The following LRRTM4 variants were observed in gnomAD, a reference collection of about 807,000 sequenced individuals.
The protein encoded by LRRTM4 is leucine-rich repeat transmembrane neuronal protein 4.
In LRRTM4, 25 loss-of-function variants were observed where a neutral mutation model predicts 47.6. That is an observed-to-expected ratio of 0.53 (90% CI 0.38 to 0.73). The LOEUF (loss-of-function observed/expected upper bound fraction) is 0.73, where lower values mean the gene tolerates loss of function less well. Among genes scored for constraint, LRRTM4 ranks in the 30% least tolerant of loss-of-function variants. The pLI, the probability that LRRTM4 is intolerant of heterozygous loss-of-function variation, is 0.00. For synonymous variants in LRRTM4, 311 were observed against 269.5 expected, an observed-to-expected ratio of 1.15 and a Z score of -1.51; for missense variants, 638 against 713.4, an observed-to-expected ratio of 0.89 and a Z score of 1.20.
chr2:76,950,073 G>T (rs941541151), intron 3 of LRRTM4, among the ~76,000 whole-genome samples: 1 of 151,840 alleles, frequency 6.6e-6, no homozygotes, highest in Non-Finnish European at 1.5e-5. Flanking sequence ...AAAGAGAAAT[G>T]AATTCACAAA....
intron 3 of LRRTM4, among the ~76,000 whole-genome samples, chr2:76,884,872 G>A (rs1018220583): frequency 6.6e-6 from 1 of 151,492 alleles, no homozygotes; most frequent in Non-Finnish European, 1.5e-5. Flanking sequence ...GGCCAAGAGG[G>A]TACTTTCAAG....
At chr2:77,350,032 G>A (rs1671700522) in intron 3 of LRRTM4, among the ~76,000 whole-genome samples, 2 of 151,996 alleles carry the variant, frequency 1.3e-5, no homozygotes, top group Admixed American at 1.3e-4. Context: ...CGAAGAAATT[G>A]GAAATGCTGG....
intron 3 of LRRTM4, among the ~76,000 whole-genome samples, chr2:77,450,855 A>G (rs1676228739): frequency 6.6e-6 from 1 of 152,154 alleles, no homozygotes. Flanking sequence ...ATTAAATTCC[A>G]ACATATTACA....
intron 3 of LRRTM4, among the ~76,000 whole-genome samples, chr2:76,970,734 A>G (rs960514444): frequency 1.3e-5 from 2 of 152,078 alleles, no homozygotes; most frequent in Non-Finnish European, 2.9e-5. Flanking sequence ...CAATGTAATT[A>G]GATTTCTTTT....
chr2:77,420,832 T>G (rs952430677), intron 3 of LRRTM4, among the ~76,000 whole-genome samples: 76 of 145,550 alleles, frequency 5.2e-4, no homozygotes, highest in African/African-American at 1.7e-3. Flanking sequence ...CCCTTAAGAC[T>G]TAAGTCTTAA....
intron 3 of LRRTM4, among the ~76,000 whole-genome samples, chr2:77,167,966 A>G (rs1191698298): frequency 1.3e-5 from 2 of 152,122 alleles, no homozygotes; most frequent in Non-Finnish European, 2.9e-5. Flanking sequence ...TAAAGAAAAA[A>G]GAGTTCTTCT....
chr2:77,318,045 C>G (rs1168399944), intron 3 of LRRTM4, among the ~76,000 whole-genome samples: 1 of 132,884 alleles, frequency 7.5e-6, no homozygotes, highest in African/African-American at 3.0e-5. Context: ...CTCGCTCTGT[C>G]GCCCAGGCTG....
chr2:77,103,157 G>GTTT (rs1253836096), intron 3 of LRRTM4, among the ~76,000 whole-genome samples: 1 of 152,134 alleles, frequency 6.6e-6, no homozygotes, highest in Non-Finnish European at 1.5e-5. Context: ...TCATTTGGGG[G>GTTT]CAGAGACAGC....
chr2:77,075,644 G>C (rs908113040), intron 3 of LRRTM4, among the ~76,000 whole-genome samples: 3 of 151,800 alleles, frequency 2.0e-5, no homozygotes, highest in African/African-American at 7.3e-5. Context: ...GGCCGGGCGC[G>C]GTGGCTCACG....
At chr2:77,339,134 C>A (rs1204256142) in intron 3 of LRRTM4, among the ~76,000 whole-genome samples, 1 of 151,724 alleles carries the variant, frequency 6.6e-6, no homozygotes, top group Non-Finnish European at 1.5e-5. Flanking sequence ...AAAAAAAAAC[C>A]TACCTTTTGA....
intron 3 of LRRTM4, among the ~76,000 whole-genome samples, chr2:77,141,386 C>G (rs572743310): frequency 5.3e-4 from 80 of 150,292 alleles, no homozygotes; most frequent in African/African-American, 1.9e-3. Flanking sequence ...AAACCAAACA[C>G]TGCGTGTTCT....
chr2:76,857,357 A>G (rs1441470130), intron 3 of LRRTM4, among the ~76,000 whole-genome samples: 5 of 146,764 alleles, frequency 3.4e-5, no homozygotes, highest in Non-Finnish European at 5.9e-5. Flanking sequence ...TTAGCAATAC[A>G]TGGCTTGTTT....
At chr2:77,063,352 T>A (rs1018898069) in intron 3 of LRRTM4, among the ~76,000 whole-genome samples, 1 of 152,176 alleles carries the variant, frequency 6.6e-6, no homozygotes, top group East Asian at 1.9e-4. Flanking sequence ...GTTTTACATC[T>A]CTTGGGTTAA....
At position 77,490,624 on chromosome 2, in the gene LRRTM4, T is replaced by A. The variant is rs935571398; in HGVS notation, c.1551+27694A>T. On this transcript the variant is annotated intron_variant, in intron 3 of 3. Transcript: ENST00000409884. Reference sequence around the variant, plus strand: ...TCTTACCATAAAGTATCAAAAATAATAAAAAAAAACAGCAGTCTAAGTAGG... The same window carrying A: ...TCTTACCATAAAGTATCAAAAATAAAAAAAAAAAACAGCAGTCTAAGTAGG... Among the ~76,000 whole-genome samples, 5 of 150,654 alleles carry A rather than the reference T, an allele frequency of 3.3e-5. 1 individual carries two copies. The highest frequency in any genetic ancestry group is 9.7e-5 in the African/African-American group (4 of 41,164).
In LRRTM4 at chr2:76,980,830, A is replaced by G. The variant is rs186790110; in HGVS notation, c.1552-231914T>C. On this transcript the variant is annotated intron_variant, in intron 3 of 3. Transcript: ENST00000409884. ...ATAATTAAGGGATTAGAAGGAGTGA[A>G]GGTGCTTTGATTTACATTTCTCTGT... is the stretch of plus-strand genomic sequence containing the variant. Among the ~76,000 whole-genome samples the G allele has an allele frequency of 3.9e-3, 598 of 152,164 alleles. 5 individuals carry two copies. The highest frequency in any genetic ancestry group is 0.013 in the African/African-American group (532 of 41,534).
intron 3 of LRRTM4, among the ~76,000 whole-genome samples, chr2:77,450,861 T>C (rs1573432561): frequency 6.6e-6 from 1 of 152,272 alleles, no homozygotes; most frequent in East Asian, 1.9e-4. Context: ...TTCCAACATA[T>C]TACATTCCCC....
chr2:76,903,191 G>C (rs1348217934), intron 3 of LRRTM4, among the ~76,000 whole-genome samples: 1 of 151,994 alleles, frequency 6.6e-6, no homozygotes, highest in East Asian at 1.9e-4. Flanking sequence ...CTAACACAGT[G>C]AAACCCCGTC....
chr2:77,303,161 G>C (rs1251856157), intron 3 of LRRTM4, among the ~76,000 whole-genome samples: 1 of 151,790 alleles, frequency 6.6e-6, no homozygotes, highest in African/African-American at 2.4e-5. Flanking sequence ...GAAATTTTTA[G>C]TCATCTGCTT....
At chr2:76,769,033 G>C (rs985230562) in intron 3 of LRRTM4, among the ~76,000 whole-genome samples, 5 of 152,136 alleles carry the variant, frequency 3.3e-5, no homozygotes, top group South Asian at 4.1e-4. Flanking sequence ...TTGTGGCACA[G>C]TTTAAGAAAT....
Sources: allele counts gnomAD v4.1 joint callset (sites outside exome capture counted in the v4.1 genomes callset), GRCh38; gene constraint gnomAD v4.1.1; transcripts MANE v1.5; gene names NCBI Gene and HGNC (gene_info 2026-07-23, HGNC 2026-07-21).